The following DTNB variants were observed in gnomAD, a reference collection of about 807,000 sequenced individuals.
The protein encoded by DTNB is dystrobrevin beta.
DTNB carries 63 observed loss-of-function variants against 90.7 expected under a neutral mutation model. The ratio of observed to expected loss-of-function variants is 0.69; its 90% CI spans 0.57 to 0.86. The LOEUF (loss-of-function observed/expected upper bound fraction) is 0.86. DTNB is among the 40% of genes least tolerant of loss of function. The pLI, the probability that DTNB is intolerant of heterozygous loss-of-function variation, is 0.00. For missense variants in DTNB, 744 were observed against 807.1 expected, an observed-to-expected ratio of 0.92 and a Z score of 0.95; for synonymous variants, 277 against 286.7, an observed-to-expected ratio of 0.97 and a Z score of 0.34.
At chr2:25,393,750 A>G (rs2041756116) in intron 16 of DTNB, among the ~76,000 whole-genome samples, 1 of 152,226 alleles carries the variant, frequency 6.6e-6, no homozygotes, top group Non-Finnish European at 1.5e-5. Context: ...CATAGATGAC[A>G]TGAACAAATG....
At position 25,596,099 on chromosome 2, in the gene DTNB, C is replaced by T. The variant is rs2064563576; in HGVS notation, c.590G>A (p.Cys197Tyr). ...FGYTEHSVRT[C>Y]FPQQRKIMLN... ...AACTGTCCTTACCTGCTGTGGAAAA[C>T]AGGTGCGGACTGAGTGCTCTGTGTA... is the stretch of plus-strand genomic sequence containing the variant. The change falls in exon 6 of 21, where the codon TGT becomes TAT. Residue 197 changes from cysteine to tyrosine, a missense_variant. Transcript: ENST00000406818. 6.2e-7 allele frequency: 1 copy of T among 1,604,894 alleles called. No individual in the cohort carries two copies. The highest frequency in any genetic ancestry group is 1.7e-5 in the Admixed American group (1 of 57,814).
At chr2:25,557,242 T>C (rs547527797) in intron 8 of DTNB, among the ~76,000 whole-genome samples, 1 of 151,662 alleles carries the variant, frequency 6.6e-6, no homozygotes, top group South Asian at 2.1e-4. Context: ...TTAGAGGGAG[T>C]ATGAGAGTTG....
intron 16 of DTNB, among the ~76,000 whole-genome samples, chr2:25,392,470 A>C (rs965100428): frequency 2.0e-5 from 3 of 152,234 alleles, no homozygotes; most frequent in Non-Finnish European, 4.4e-5. Context: ...TGGTTCTTTC[A>C]AAAGATAAAT....
At chr2:25,650,510 T>C (rs1369310500) in intron 2 of DTNB, among the ~76,000 whole-genome samples, 9 of 152,202 alleles carry the variant, frequency 5.9e-5, no homozygotes, top group Non-Finnish European at 1.5e-5. Flanking sequence ...CAATTCAGTA[T>C]TGCTGGGAAG....
At chr2:25,673,332 G>C (rs2086569291) in intron 1 of DTNB, 54 bp downstream of exon 1, 4 of 151,286 alleles carry the variant, frequency 2.6e-5, no homozygotes, top group African/African-American at 7.3e-5. Flanking sequence ...GCGGGCGCGA[G>C]GCTCCAGCCC....
intron 19 of DTNB, among the ~76,000 whole-genome samples, chr2:25,380,793 A>C (rs77619289): frequency 1.5e-3 from 219 of 144,458 alleles, no homozygotes; most frequent in African/African-American, 4.8e-3. Flanking sequence ...ACCCAGTCTG[A>C]TGTGGACAGT....
At chr2:25,626,068 T>G (rs1232634733) in intron 4 of DTNB, among the ~76,000 whole-genome samples, 2 of 152,082 alleles carry the variant, frequency 1.3e-5, no homozygotes. Context: ...AATAAATCTG[T>G]GTTGTTTATA....
chr2:25,563,374 A>C (rs2058543527), intron 8 of DTNB, among the ~76,000 whole-genome samples: 1 of 152,122 alleles, frequency 6.6e-6, no homozygotes, highest in Admixed American at 6.5e-5. Flanking sequence ...CAGATACATG[A>C]TTTGTAAATA....
intron 8 of DTNB, among the ~76,000 whole-genome samples, chr2:25,568,469 T>C (rs1166637473): frequency 6.6e-6 from 1 of 152,052 alleles, no homozygotes; most frequent in East Asian, 1.9e-4. Flanking sequence ...GACCATTTAA[T>C]AGTGATTTAA....
At chr2:25,415,565 G>A (rs1341856510) in intron 16 of DTNB, among the ~76,000 whole-genome samples, 6 of 152,102 alleles carry the variant, frequency 3.9e-5, no homozygotes, top group Admixed American at 1.3e-4. Flanking sequence ...CTTCAGGATG[G>A]GGACTGGTTG....
chr2:25,563,554 T>A (rs1004231163), intron 8 of DTNB, among the ~76,000 whole-genome samples: 1 of 152,218 alleles, frequency 6.6e-6, no homozygotes, highest in African/African-American at 2.4e-5. Flanking sequence ...ACATCTAATC[T>A]CTTTTTCTAA....
rs2039875998 is a variant in DTNB at position 25,387,620 on chromosome 2, C to T, written c.1736-242G>A. On this transcript the variant is annotated intron_variant, in intron 17 of 20. Coordinates refer to ENST00000406818, the MANE Select transcript of DTNB (RefSeq NM_021907.5). The surrounding 1 kb of genome is among the most constrained non-coding windows in gnomAD (Gnocchi z 4.5). ...AGCATCCTGTCAACTCCACGCTTTG[C>T]CGCCACCACACAATCCAGAGCTGGG... Among the ~76,000 whole-genome samples the T allele has an allele frequency of 1.3e-5, 2 of 152,168 alleles. No individual in the cohort carries two copies. Among genetic ancestry groups the T allele is most frequent in the Non-Finnish European group, 2.9e-5 (2 of 68,030 alleles).
At chr2:25,594,342 C>A (rs1157841753) in intron 6 of DTNB, among the ~76,000 whole-genome samples, 1 of 152,212 alleles carries the variant, frequency 6.6e-6, no homozygotes, top group African/African-American at 2.4e-5. Flanking sequence ...GGCAAATCTG[C>A]ACAAAACCAG....
chr2:25,522,802 G>C (rs1180717626), intron 9 of DTNB, among the ~76,000 whole-genome samples: 1 of 150,918 alleles, frequency 6.6e-6, no homozygotes, highest in Non-Finnish European at 1.5e-5. Context: ...CTGGGTTCAA[G>C]CAATTCTCCT....
intron 4 of DTNB, among the ~76,000 whole-genome samples, chr2:25,616,615 T>C (rs1299952736): frequency 8.2e-6 from 1 of 121,390 alleles, no homozygotes; most frequent in African/African-American, 3.7e-5. Flanking sequence ...ATAATCTAGA[T>C]CAGGCTATTT....
chr2:25,436,126 G>C (rs2055673733), intron 12 of DTNB, among the ~76,000 whole-genome samples: 1 of 152,214 alleles, frequency 6.6e-6, no homozygotes, highest in Non-Finnish European at 1.5e-5. Flanking sequence ...CATGAGGTCA[G>C]GAGTTCAAGA....
intron 1 of DTNB, among the ~76,000 whole-genome samples, chr2:25,669,594 C>A (rs2085337735): frequency 6.6e-6 from 1 of 152,174 alleles, no homozygotes; most frequent in South Asian, 2.1e-4. Flanking sequence ...CTAGGGCTGG[C>A]AGGATGCATT....
At chr2:25,543,939 T>G (rs2081905422) in intron 8 of DTNB, among the ~76,000 whole-genome samples, 1 of 152,188 alleles carries the variant, frequency 6.6e-6, no homozygotes, top group Non-Finnish European at 1.5e-5. Context: ...GCACAGAAAT[T>G]AACACTCAGT....
chr2:25,433,863 G>A (rs778622569), intron 13 of DTNB, 47 bp downstream of exon 13: 13 of 1,596,298 alleles, frequency 8.1e-6, no homozygotes, highest in South Asian at 3.3e-5. Flanking sequence ...AGATACGCAC[G>A]TGATAATCCT....
Sources: allele counts gnomAD v4.1 joint callset (sites outside exome capture counted in the v4.1 genomes callset), GRCh38; gene constraint gnomAD v4.1.1; non-coding constraint Gnocchi (gnomAD v3.1); transcripts MANE v1.5; gene names NCBI Gene and HGNC (gene_info 2026-07-23, HGNC 2026-07-21).